The following ANXA4 variants were observed in gnomAD, a reference collection of about 807,000 sequenced individuals.
ANXA4 encodes 35-beta calcimedin.
In ANXA4, 39 loss-of-function variants were observed where a neutral mutation model predicts 49.8. The ratio of observed to expected loss-of-function variants is 0.78; its 90% confidence interval spans 0.61 to 1.02. The LOEUF (loss-of-function observed/expected upper bound fraction) is 1.02. ANXA4 is among the 50% of genes least tolerant of loss of function. The pLI, the probability that ANXA4 is intolerant of heterozygous loss-of-function variation, is 0.00. For missense variants in ANXA4, 360 were observed against 410.1 expected (o/e 0.88, Z 1.05); for synonymous variants, 134 against 152.5 (o/e 0.88, Z 0.89).
chr2:69,771,109 G>GAA lies in ANXA4; in HGVS notation c.-46-10396_-46-10395dup, dbSNP rs70954358. On this transcript the variant is annotated intron_variant, in intron 1 of 12. Coordinates refer to ENST00000394295, the MANE Select transcript of ANXA4 (RefSeq NM_001153.5). ...ACCCTGTCTCCAAAAAAAAAAAAAAGAAAAAAAAAAAAAAAAGAAAGGAAA... is the reference window on the plus strand; with the variant it reads ...ACCCTGTCTCCAAAAAAAAAAAAAAGAAAAAAAAAAAAAAAAAAGAAAGGAAA... Among the ~76,000 whole-genome samples the GAA allele has an allele frequency of 2.0e-3, 207 of 104,742 alleles. 2 individuals are homozygous for GAA. Among genetic ancestry groups the GAA allele is most frequent in the Admixed American group, 5.8e-3 (52 of 9,030 alleles). The allele number at this position is 104,742 out of a possible 152,430, so 68.7% of individuals were successfully genotyped here.
intron 1 of ANXA4, among the ~76,000 whole-genome samples, chr2:69,771,728 T>C (rs1671726458): frequency 6.6e-6 from 1 of 152,192 alleles, no homozygotes; most frequent in Admixed American, 6.5e-5. Context: ...AACTGGGCAA[T>C]TTGTGTTACA....
Position 69,742,447 on chromosome 2 carries a change from G to A in ANXA4, c.-47+272G>A, listed in dbSNP as rs368197749. Among the ~76,000 whole-genome samples the A allele has an allele frequency of 2.1e-3, 313 of 152,312 alleles. 1 individual carries two copies. The highest frequency in any genetic ancestry group is 7.3e-3 in the African/African-American group (303 of 41,590). ...GGCCGCTTACACGGCTCAGGACGCGGGTCAGAGACCACGGCAGTTATTTAT... is the reference window on the plus strand; with the variant it reads ...GGCCGCTTACACGGCTCAGGACGCGAGTCAGAGACCACGGCAGTTATTTAT... On this transcript the variant is annotated intron_variant, in intron 1 of 12. Coordinates refer to ENST00000394295, the MANE Select transcript of ANXA4 (RefSeq NM_001153.5).
Position 69,825,579 on chromosome 2 carries a change from T to C in ANXA4, c.*64T>C, listed in dbSNP as rs970906082. On this transcript the variant is annotated 3_prime_UTR_variant, in exon 13 of 13. Transcript: ENST00000394295. Reference sequence around the variant, plus strand: ...TTGAATTTTTTTAACTTCATTTTTCTACACTGCTATTATCATTATCTCAGA... The same window carrying C: ...TTGAATTTTTTTAACTTCATTTTTCCACACTGCTATTATCATTATCTCAGA... 6 of 1,220,754 alleles carry C rather than the reference T, an allele frequency of 4.9e-6. No individual in the cohort carries two copies. The highest frequency in any genetic ancestry group is 1.9e-4 in the Middle Eastern group (1 of 5,264). The allele number at this position is 1,220,754 out of a possible 1,614,324, so 75.6% of individuals were successfully genotyped here.
intron 1 of ANXA4, among the ~76,000 whole-genome samples, chr2:69,773,608 CTT>C (rs1671824492): frequency 7.9e-6 from 1 of 126,288 alleles, no homozygotes; most frequent in Non-Finnish European, 1.7e-5. Flanking sequence ...CTTTTCTTTT[CTT>C]TTCTTTCCTT....
chr2:69,693,142 C>T (rs1678029560), intron 2 of ANXA4, among the ~76,000 whole-genome samples: 1 of 152,126 alleles, frequency 6.6e-6, no homozygotes, highest in Non-Finnish European at 1.5e-5. Flanking sequence ...TGCACTGTTT[C>T]CCAAATTTAT....
chr2:69,752,943 T>C (rs1670907843), intron 1 of ANXA4, among the ~76,000 whole-genome samples: 1 of 152,236 alleles, frequency 6.6e-6, no homozygotes, highest in Non-Finnish European at 1.5e-5. Context: ...GCAGGAGCTT[T>C]GCTTTTACTG....
chr2:69,702,690 G>GT (rs1407661037), intron 2 of ANXA4, among the ~76,000 whole-genome samples: 2 of 152,212 alleles, frequency 1.3e-5, no homozygotes, highest in Non-Finnish European at 2.9e-5. Context: ...TCCAGCCTGG[G>GT]TGACAGAGTG....
chr2:69,664,515 C>G (rs1676862695), intron 2 of ANXA4, among the ~76,000 whole-genome samples: 1 of 152,150 alleles, frequency 6.6e-6, no homozygotes, highest in Admixed American at 6.5e-5. Flanking sequence ...TGATTCACAT[C>G]AATGGTATCA....
At chr2:69,817,822 G>A (rs1269253020) in intron 9 of ANXA4, 4 of 152,226 alleles carry the variant, frequency 2.6e-5, no homozygotes, top group Non-Finnish European at 5.9e-5. Context: ...GGGTAAAGAT[G>A]ATGCAGTGCT....
At chr2:69,786,904 T>C (rs1362235508) in intron 2 of ANXA4, among the ~76,000 whole-genome samples, 3 of 152,034 alleles carry the variant, frequency 2.0e-5, no homozygotes, top group African/African-American at 4.8e-5. Flanking sequence ...TTGTATGTTT[T>C]TGTAGAGATG....
chr2:69,775,878 A>G lies in ANXA4; in HGVS notation c.-46-5642A>G, dbSNP rs182098285. Among the ~76,000 whole-genome samples the G allele has an allele frequency of 5.3e-3, 802 of 152,322 alleles. 2 individuals carry two copies. The highest frequency in any genetic ancestry group is 8.8e-3 in the Non-Finnish European group (597 of 68,036). Reference sequence around the variant, plus strand: ...TAATAAGCTTCTTGGGTCTTTTGTTATTAATTGGCTGAGAGTTAGATAAGT... The same window carrying G: ...TAATAAGCTTCTTGGGTCTTTTGTTGTTAATTGGCTGAGAGTTAGATAAGT... On this transcript the variant is annotated intron_variant, in intron 1 of 12. Transcript: ENST00000394295.
chr2:69,776,448 G>C (rs997402232), intron 1 of ANXA4, among the ~76,000 whole-genome samples: 1 of 152,130 alleles, frequency 6.6e-6, no homozygotes, highest in Non-Finnish European at 1.5e-5. Flanking sequence ...AATTGTATAG[G>C]AAAACAAACT....
intron 2 of ANXA4, among the ~76,000 whole-genome samples, chr2:69,659,164 A>G (rs140233094): frequency 3.3e-4 from 51 of 152,360 alleles, no homozygotes; most frequent in African/African-American, 1.2e-3. Flanking sequence ...CTCATTTTCA[A>G]TACAAATATG....
At chr2:69,807,782 G>A (rs1465714973) in intron 5 of ANXA4, 124 bp from the exon 6 acceptor site, 2 of 773,728 alleles carry the variant, frequency 2.6e-6, no homozygotes, top group Non-Finnish European at 4.1e-6. Context: ...AACAAACCCT[G>A]TTGTTAGAAC....
At chr2:69,820,563 T>C in intron 11 of ANXA4, 136 bp from the exon 12 acceptor site, 1 of 955,738 alleles carries the variant, frequency 1.0e-6, no homozygotes, top group South Asian at 1.6e-5. Flanking sequence ...AGTGAGGATA[T>C]TCCTCAGGCC....
intron 1 of ANXA4, among the ~76,000 whole-genome samples, chr2:69,745,258 A>T (rs754897455): frequency 1.3e-5 from 2 of 152,048 alleles, no homozygotes; most frequent in Non-Finnish European, 2.9e-5. Context: ...GAATTTGAGG[A>T]AGTAGTTTTT....
In ANXA4 at chr2:69,723,710, T is replaced by A. The variant is rs560164720; in HGVS notation, n.864+2839T>A. On this transcript the variant is annotated intron_variant and non_coding_transcript_variant, in intron 3 of 3. Transcript: ENST00000418066. ...ATGACATAGCTGTGTGATGCTATTT[T>A]ATTTTGTTTTCTTTCTTCTAATAGA... 9.9e-3 allele frequency among the ~76,000 whole-genome samples: 1,509 copies of A among 152,344 alleles called. 22 individuals carry two copies. The highest frequency in any genetic ancestry group is 0.033 in the African/African-American group (1,362 of 41,572).
intron 2 of ANXA4, among the ~76,000 whole-genome samples, chr2:69,672,920 C>T (rs1269735819): frequency 1.3e-5 from 2 of 151,850 alleles, no homozygotes; most frequent in Admixed American, 6.6e-5. Context: ...AAAAAAAGCT[C>T]ATCGTCACTG....
intron 7 of ANXA4, 148 bp downstream of exon 7, chr2:69,810,821 C>G: frequency 1.6e-6 from 1 of 643,310 alleles, no homozygotes; most frequent in South Asian, 1.9e-5. Context: ...TCTTATTTCT[C>G]CTTCAGAGAC....
Sources: allele counts gnomAD v4.1 joint callset (sites outside exome capture counted in the v4.1 genomes callset), GRCh38; gene constraint gnomAD v4.1.1; transcripts MANE v1.5; gene names NCBI Gene and HGNC (gene_info 2026-07-23, HGNC 2026-07-21).